Variants in OR51B5 observed in about 807,000 individuals in gnomAD.
The protein encoded by OR51B5 is olfactory receptor 51B5.
For synonymous variants in OR51B5, 186 were observed against 144.8 expected, an observed-to-expected ratio of 1.28 and a Z score of -2.04; for missense variants, 456 against 374.6, an observed-to-expected ratio of 1.22 and a Z score of -1.79.
At chr11:5,476,961 G>C (rs1169647096) in intron 1 of OR51B5, among the ~76,000 whole-genome samples, 1 of 152,156 alleles carries the variant, frequency 6.6e-6, no homozygotes, top group Non-Finnish European at 1.5e-5. Flanking sequence ...CGTTATACAA[G>C]ATGAATAAGT....
At chr11:5,349,569 T>A (rs921820842) in intron 1 of OR51B5, among the ~76,000 whole-genome samples, 1 of 152,160 alleles carries the variant, frequency 6.6e-6, no homozygotes, top group Non-Finnish European at 1.5e-5. Flanking sequence ...AAATTAAAGT[T>A]ATTATGTGAG....
chr11:5,484,835 T>C (rs1851477564), intron 1 of OR51B5, among the ~76,000 whole-genome samples: 1 of 152,186 alleles, frequency 6.6e-6, no homozygotes, highest in African/African-American at 2.4e-5. Flanking sequence ...AAACATTACA[T>C]ATGTATTATT....
At chr11:5,354,146 G>A (rs1453530501) in intron 1 of OR51B5, among the ~76,000 whole-genome samples, 1 of 150,606 alleles carries the variant, frequency 6.6e-6, no homozygotes, top group Non-Finnish European at 1.5e-5. Context: ...GTCTTTCTGT[G>A]TGTCTGCTAG....
At position 5,411,341 on chromosome 11, in the gene OR51B5, T is replaced by C. The variant is rs36031733; in HGVS notation, n.85-64431A>G. Among the ~76,000 whole-genome samples the C allele has an allele frequency of 0.039, 5,989 of 152,300 alleles. 517 individuals carry two copies. The East Asian group carries it at 0.4, about 10-fold the overall frequency. On this transcript the variant is annotated intron_variant and non_coding_transcript_variant, in intron 1 of 4. Transcript: ENST00000415970. The stretch of plus-strand genomic sequence containing the variant: ...GTACATGTTTGTAGCCTAGGAGCAA[T>C]AGGCTACATCATATAGCCTAAATGT...
At chr11:5,356,322 G>A (rs137884441) in intron 1 of OR51B5, among the ~76,000 whole-genome samples, 35 of 152,032 alleles carry the variant, frequency 2.3e-4, no homozygotes, top group Non-Finnish European at 4.1e-4. Flanking sequence ...AGAACTACAT[G>A]ATGAATGCAC....
intron 1 of OR51B5, chr11:5,392,519 A>T (rs1381341246): frequency 1.3e-5 from 2 of 152,272 alleles, no homozygotes; most frequent in Non-Finnish European, 2.9e-5. Flanking sequence ...AAATACGTAC[A>T]GGTAATAACA....
chr11:5,368,051 T>A (rs537169391), intron 1 of OR51B5, among the ~76,000 whole-genome samples: 1 of 152,306 alleles, frequency 6.6e-6, no homozygotes, highest in South Asian at 2.1e-4. Flanking sequence ...AAGCTTCACT[T>A]GGTTCTTTGC....
chr11:5,380,614 AT>A (rs1328042933), intron 1 of OR51B5, among the ~76,000 whole-genome samples: 2 of 152,160 alleles, frequency 1.3e-5, no homozygotes, highest in East Asian at 3.9e-4. Context: ...GGTCAATATG[AT>A]TAAGACTAAA....
chr11:5,456,900 T>C (rs747960780), intron 1 of OR51B5, among the ~76,000 whole-genome samples: 6 of 152,158 alleles, frequency 3.9e-5, no homozygotes, highest in Non-Finnish European at 8.8e-5. Context: ...TGTTTAAAAA[T>C]GTATGGCACT....
intron 1 of OR51B5, among the ~76,000 whole-genome samples, chr11:5,376,822 C>A (rs1386286470): frequency 1.3e-5 from 2 of 149,992 alleles, no homozygotes; most frequent in African/African-American, 4.9e-5. Context: ...TAATCAATAG[C>A]TTACCAACCA....
At chr11:5,443,291 C>T (rs1007446832) in intron 1 of OR51B5, among the ~76,000 whole-genome samples, 6 of 152,102 alleles carry the variant, frequency 3.9e-5, no homozygotes, top group African/African-American at 9.7e-5. Context: ...TGGATCATAT[C>T]GAGATATCAG....
At chr11:5,453,618 G>A (rs1850892308) in intron 1 of OR51B5, 1 of 1,613,662 alleles carries the variant, frequency 6.2e-7, no homozygotes, top group African/African-American at 1.3e-5. Context: ...GGGAAATACA[G>A]TGATCCTGCA....
chr11:5,452,504 C>CAAAAAAAAAAAAAAA lies in OR51B5; in HGVS notation n.84+53050_84+53064dup, dbSNP rs56677841. Among the ~76,000 whole-genome samples the CAAAAAAAAAAAAAAA allele has an allele frequency of 1.7e-4, 12 of 69,212 alleles. 1 individual carries two copies. Among genetic ancestry groups the CAAAAAAAAAAAAAAA allele is most frequent in the Non-Finnish European group, 2.6e-4 (10 of 38,394 alleles). 45.4% of individuals were successfully genotyped at this position (69,212 alleles called of 152,430 possible). ...TGGGCAAAAGAGAGAGACTCTGTCT[C>CAAAAAAAAAAAAAAA]AAAAAAAAAAAAAAAAAAAAAAAAA... On this transcript the variant is annotated intron_variant and non_coding_transcript_variant, in intron 1 of 4. Transcript: ENST00000415970.
At chr11:5,478,325 A>G (rs1300174521) in intron 1 of OR51B5, among the ~76,000 whole-genome samples, 2 of 151,184 alleles carry the variant, frequency 1.3e-5, no homozygotes, top group African/African-American at 4.9e-5. Context: ...GAAAACTAAC[A>G]AACAGAAAGG....
intron 1 of OR51B5, chr11:5,488,886 A>G: frequency 1.2e-6 from 2 of 1,613,934 alleles, no homozygotes; most frequent in Non-Finnish European, 1.7e-6. Flanking sequence ...CTCTTCATGC[A>G]CCTATGTACC....
Position 5,403,790 on chromosome 11 carries a change from C to T in OR51B5, n.85-56880G>A, listed in dbSNP as rs139769190. 6.7e-3 allele frequency among the ~76,000 whole-genome samples: 1,012 copies of T among 152,140 alleles called. 7 individuals are homozygous for T. The highest frequency in any genetic ancestry group is 0.023 in the African/African-American group (968 of 41,484). ...TGTGGTATGAGGTTTTCTTCATTAC[C>T]TTGCATACCTGGAGCAGGAATGCAG... On this transcript the variant is annotated intron_variant and non_coding_transcript_variant, in intron 1 of 4. Coordinates refer to the OR51B5 transcript ENST00000415970.
At chr11:5,401,356 C>T (rs1455015515) in intron 1 of OR51B5, among the ~76,000 whole-genome samples, 1 of 152,230 alleles carries the variant, frequency 6.6e-6, no homozygotes, top group African/African-American at 2.4e-5. Flanking sequence ...TCTGCACACA[C>T]ATCCACGAAC....
chr11:5,354,839 A>G, intron 1 of OR51B5: 1 of 193,380 alleles, frequency 5.2e-6, no homozygotes, highest in South Asian at 9.0e-5. Context: ...AAGCCACAAG[A>G]AGCAGAGGGT....
intron 1 of OR51B5, among the ~76,000 whole-genome samples, chr11:5,395,961 T>C (rs537675038): frequency 5.8e-4 from 89 of 152,354 alleles, no homozygotes; most frequent in African/African-American, 2.0e-3. Context: ...CCATTTAAAA[T>C]TGCATATGAA....
Sources: gnomAD v4.1 joint callset for allele counts (sites outside exome capture counted in the v4.1 genomes callset) on GRCh38, gnomAD v4.1.1 for gene constraint, MANE v1.5 for transcripts, NCBI Gene and HGNC (gene_info 2026-07-23, HGNC 2026-07-21) for gene names.